NAA50: variants seen among roughly 807,000 people sequenced by gnomAD.
The protein encoded by NAA50 is N-alpha-acetyltransferase 50, NatE catalytic subunit.
NAA50 carries 7 observed loss-of-function variants against 20.7 expected under a neutral mutation model. The ratio of observed to expected loss-of-function variants is 0.34; its 90% confidence interval spans 0.19 to 0.63. NAA50 has a LOEUF of 0.63. NAA50 is among the 30% of genes least tolerant of loss of function. NAA50 has a pLI of 0.75. For synonymous variants in NAA50, 54 were observed against 70.6 expected (o/e 0.77, Z 1.18); for missense variants, 111 against 199.1 (o/e 0.56, Z 2.66).
chr3:113,745,611 G>A (rs1031198485), intron 1 of NAA50: 1 of 346,826 alleles, frequency 2.9e-6, no homozygotes. Flanking sequence ...TGGCTCAGCG[G>A]TCCGCTCCCG....
chr3:113,734,156 T>C (rs1341574265), intron 1 of NAA50, among the ~76,000 whole-genome samples: 1 of 152,130 alleles, frequency 6.6e-6, no homozygotes, highest in Non-Finnish European at 1.5e-5. Flanking sequence ...TTTGCAGCAA[T>C]ATGGATGCAG....
Position 113,719,714 on chromosome 3 carries a change from A to C in NAA50, c.*2046T>G, listed in dbSNP as rs1023957123. 6.6e-6 allele frequency: 1 copy of C among 152,662 alleles called. No homozygotes were observed. The highest frequency in any genetic ancestry group is 2.4e-5 in the African/African-American group (1 of 41,468). 9.5% of individuals were successfully genotyped at this position (152,662 alleles called of 1,614,324 possible). A position where few individuals can be genotyped will look rare whatever the true frequency, so the allele number is the denominator to read the frequency against. ...ATTTAATATTTTTTCCTCCTTAAAT[A>C]ACATGTACTTGTCATGAGGCAGCTA... is the stretch of plus-strand genomic sequence containing the variant. On this transcript the variant is annotated 3_prime_UTR_variant, in exon 5 of 5. Transcript: ENST00000240922.
At chr3:113,724,582 G>T (rs891417140) in intron 1 of NAA50, 1 of 152,134 alleles carries the variant, frequency 6.6e-6, no homozygotes, top group Non-Finnish European at 1.5e-5. Context: ...CACATTCCTG[G>T]ATACACATAC....
chr3:113,734,253 T>C (rs1288371439), intron 1 of NAA50, among the ~76,000 whole-genome samples: 1 of 151,966 alleles, frequency 6.6e-6, no homozygotes, highest in Non-Finnish European at 1.5e-5. Context: ...GAACACTGGG[T>C]ACATATGAAC....
Position 113,721,667 on chromosome 3 carries a change from T to G in NAA50, c.*93A>C, listed in dbSNP as rs1708137373. On this transcript the variant is annotated 3_prime_UTR_variant, in exon 5 of 5. Transcript: ENST00000240922. ...AACAAGAACAAGGAGGGAGAAAAGC[T>G]TTAAAAGAAAAGTGTTGGGGTGGGG... 1.5e-6 allele frequency: 2 copies of G among 1,352,422 alleles called. No homozygotes were observed. The highest frequency in any genetic ancestry group is 4.1e-5 in the Admixed American group (2 of 48,896). 83.8% of individuals were successfully genotyped at this position (1,352,422 alleles called of 1,614,324 possible). A position where few individuals can be genotyped will look rare whatever the true frequency, so the allele number is the denominator to read the frequency against.
intron 1 of NAA50, among the ~76,000 whole-genome samples, chr3:113,727,829 AAATT>A (rs1473886768): frequency 6.6e-6 from 1 of 152,186 alleles, no homozygotes; most frequent in Non-Finnish European, 1.5e-5. Context: ...TGTTTTTGAG[AAATT>A]AATTTGATTT....
intron 1 of NAA50, among the ~76,000 whole-genome samples, chr3:113,728,682 T>C (rs1327893839): frequency 3.3e-5 from 5 of 152,186 alleles, no homozygotes; most frequent in Admixed American, 3.3e-4. Context: ...CTATAATTAT[T>C]CTCTTGGTGA....
chr3:113,744,818 CA>C (rs1219416844), intron 1 of NAA50, among the ~76,000 whole-genome samples: 2 of 152,230 alleles, frequency 1.3e-5, no homozygotes, highest in African/African-American at 4.8e-5. Context: ...GGAATCTCTT[CA>C]GGAACCTCAA....
chr3:113,725,087 G>T (rs1408451368), intron 1 of NAA50, among the ~76,000 whole-genome samples: 2 of 152,078 alleles, frequency 1.3e-5, no homozygotes, highest in South Asian at 2.1e-4. Context: ...AAAACAATTG[G>T]GTCCATGGAA....
chr3:113,737,481 G>A (rs936499369), intron 1 of NAA50, among the ~76,000 whole-genome samples: 3 of 152,160 alleles, frequency 2.0e-5, no homozygotes, highest in Non-Finnish European at 4.4e-5. Context: ...GTCACCCACT[G>A]AGATTTCTAC....
At chr3:113,732,031 A>C (rs1050972832) in intron 1 of NAA50, among the ~76,000 whole-genome samples, 1 of 152,192 alleles carries the variant, frequency 6.6e-6, no homozygotes, top group African/African-American at 2.4e-5. Context: ...TTTTAAAAAA[A>C]CTGTCTGTGG....
At chr3:113,728,079 T>TAAAAAAAAAAAAAA (rs11429752) in intron 1 of NAA50, among the ~76,000 whole-genome samples, 1 of 140,722 alleles carries the variant, frequency 7.1e-6, no homozygotes. Context: ...AACACGGAGT[T>TAAAAAAAAAAAAAA]AAAAAAAAAA....
intron 1 of NAA50, chr3:113,745,626 G>A (rs1577075440): frequency 2.8e-6 from 1 of 362,990 alleles, no homozygotes; most frequent in East Asian, 4.4e-5. Flanking sequence ...CTCCCGGGAA[G>A]GAGGCCCCGG....
chr3:113,743,041 C>G (rs1254192271), intron 1 of NAA50, among the ~76,000 whole-genome samples: 1 of 152,108 alleles, frequency 6.6e-6, no homozygotes, highest in Non-Finnish European at 1.5e-5. Context: ...CAAAAGTAAG[C>G]AACATTTCCT....
At chr3:113,737,185 A>G (rs532400231) in intron 1 of NAA50, among the ~76,000 whole-genome samples, 7 of 152,302 alleles carry the variant, frequency 4.6e-5, no homozygotes, top group Non-Finnish European at 8.8e-5. Context: ...AGGGAGAGAG[A>G]TCTATTGGTA....
chr3:113,726,743 CAAA>C (rs537817145), intron 1 of NAA50, among the ~76,000 whole-genome samples: 4 of 105,832 alleles, frequency 3.8e-5, no homozygotes, highest in Non-Finnish European at 4.0e-5. Context: ...GACTCCGCCT[CAAA>C]AAAAAAAAAA....
In NAA50 at chr3:113,718,502, A is replaced by C. The variant is rs1283734077; in HGVS notation, c.*3258T>G. ...AAAAAGCAAAAATCTAATTATAACAATTTTGACTAGAAATATTAAATACTG... is the reference window on the plus strand; with the variant it reads ...AAAAAGCAAAAATCTAATTATAACACTTTTGACTAGAAATATTAAATACTG... On this transcript the variant is annotated 3_prime_UTR_variant, in exon 5 of 5. Transcript: ENST00000240922. The C allele has an allele frequency of 6.6e-6, 1 of 152,228 alleles. No individual in the cohort carries two copies. The highest frequency in any genetic ancestry group is 1.5e-5 in the Non-Finnish European group (1 of 68,030). 9.4% of individuals were successfully genotyped at this position (152,228 alleles called of 1,614,324 possible). A position where few individuals can be genotyped will look rare whatever the true frequency, so the allele number is the denominator to read the frequency against.
intron 2 of NAA50, 105 bp downstream of exon 2, chr3:113,723,854 A>T: frequency 7.7e-7 from 1 of 1,292,212 alleles, no homozygotes; most frequent in Non-Finnish European, 1.0e-6. Context: ...TCACTTATAA[A>T]ATAAACAAAC....
intron 1 of NAA50, among the ~76,000 whole-genome samples, chr3:113,728,610 G>A (rs148218523): frequency 8.1e-4 from 124 of 152,266 alleles, no homozygotes; most frequent in African/African-American, 2.7e-3. Flanking sequence ...GTATAAATGC[G>A]GAAGCTGAAA....
Sources: gnomAD v4.1 joint callset for allele counts (sites outside exome capture counted in the v4.1 genomes callset) on GRCh38, gnomAD v4.1.1 for gene constraint, MANE v1.5 for transcripts, NCBI Gene and HGNC (gene_info 2026-07-23, HGNC 2026-07-21) for gene names.